The following RANBP2 variants were observed in gnomAD, a reference collection of about 807,000 sequenced individuals.
RANBP2 encodes RAN binding protein 2.
A neutral mutation model predicts 303.6 loss-of-function variants in RANBP2; 57 were observed. The observed-to-expected ratio is 0.19, with a 90% CI of 0.15 to 0.23. The LOEUF (loss-of-function observed/expected upper bound fraction) is 0.23. Among genes scored for constraint, RANBP2 ranks in the 10% least tolerant of loss-of-function variants. The probability of loss-of-function intolerance (pLI) is 1.00; values close to 1 mark genes in which losing one functional copy is unlikely to be tolerated. For synonymous variants in RANBP2, 1,167 were observed against 1,301.5 expected, an observed-to-expected ratio of 0.90 and a Z score of 2.23; for missense variants, 3,138 against 3,780.8, an observed-to-expected ratio of 0.83 and a Z score of 4.46.
the RANBP2 span, among the ~76,000 whole-genome samples, chr2:109,447,151 A>T: frequency 1.5e-4 from 21 of 137,318 alleles, no homozygotes; most frequent in African/African-American, 6.3e-4. Context: ...AATATTTAAA[A>T]AAAAAAAAAA....
At chr2:108,908,166 G>A in the RANBP2 span, 4 of 858,388 alleles carry the variant, frequency 4.7e-6, no homozygotes, top group African/African-American at 6.8e-5. Flanking sequence ...GCACCTTGTG[G>A]GCACGGGACC....
the RANBP2 span, among the ~76,000 whole-genome samples, chr2:109,290,944 T>G: frequency 6.6e-6 from 1 of 152,266 alleles, no homozygotes; most frequent in Non-Finnish European, 1.5e-5. Context: ...TTTACTGTTT[T>G]CCTGGGGTGC....
Position 108,766,566 on chromosome 2 carries a change from T to C in RANBP2, c.6027T>C (p.Asp2009=). ...DDDAYKTEDS[D]DIHFEPVVQM... ...ATGCCTATAAGACTGAGGACAGCGA[T>C]GACATCCATTTTGAACCAGTAGTTC... The change falls in exon 20 of 29, where the codon GAT becomes GAC. Residue 2009 remains aspartate (D), a synonymous_variant. Coordinates refer to ENST00000283195, the MANE Select transcript of RANBP2 (RefSeq NM_006267.5). The C allele has an allele frequency of 6.2e-7, 1 of 1,611,960 alleles. No individual in the cohort carries two copies. Among genetic ancestry groups the C allele is most frequent in the Non-Finnish European group, 8.5e-7 (1 of 1,179,844 alleles).
In RANBP2 at chr2:108,732,564, GA is replaced by G. The variant is rs571513428; in HGVS notation, c.405+1092del. Reference sequence around the variant, plus strand: ...GACCAAAGCACACTATCAAAATCAGGAATTTTGACATTGGTACAATGTGTAT... The same window carrying G: ...GACCAAAGCACACTATCAAAATCAGGATTTTGACATTGGTACAATGTGTAT... On this transcript the variant is annotated intron_variant, in intron 4 of 28. Coordinates refer to ENST00000283195, the MANE Select transcript of RANBP2 (RefSeq NM_006267.5). Among the ~76,000 whole-genome samples the G allele has an allele frequency of 2.0e-4, 31 of 152,240 alleles. No individual in the cohort carries two copies. The South Asian group carries it at 6.4e-3, about 32-fold the overall frequency.
the RANBP2 span, among the ~76,000 whole-genome samples, chr2:109,282,261 G>A: frequency 2.0e-5 from 3 of 152,120 alleles, no homozygotes; most frequent in Non-Finnish European, 4.4e-5. Context: ...TATTGGCTTT[G>A]AGAAATGAGT....
the RANBP2 span, among the ~76,000 whole-genome samples, chr2:109,661,106 A>G: frequency 3.3e-5 from 5 of 152,214 alleles, no homozygotes; most frequent in East Asian, 9.6e-4. Context: ...GGCTATGGGC[A>G]GAGGGACTCT....
At chr2:109,626,590 G>A in the RANBP2 span, among the ~76,000 whole-genome samples, 1 of 152,258 alleles carries the variant, frequency 6.6e-6, no homozygotes, top group East Asian at 1.9e-4. Flanking sequence ...TCAGCCAGTC[G>A]ATGGGGAGGT....
intron 15 of RANBP2, 100 bp from the exon 16 acceptor site, chr2:108,754,805 G>C (rs2091339): frequency 6.3e-7 from 1 of 1,581,062 alleles, no homozygotes; most frequent in African/African-American, 1.4e-5. Flanking sequence ...GCCTATTAAA[G>C]TGGCAAAAAT....
chr2:109,114,067 G>A, the RANBP2 span, among the ~76,000 whole-genome samples: 1 of 152,158 alleles, frequency 6.6e-6, no homozygotes, highest in East Asian at 1.9e-4. Flanking sequence ...TTGCATCAAT[G>A]TTCATCAAGG....
the RANBP2 span, among the ~76,000 whole-genome samples, chr2:109,629,525 G>A: frequency 6.6e-6 from 1 of 151,476 alleles, no homozygotes; most frequent in Non-Finnish European, 1.5e-5. Flanking sequence ...GAAAATGTGT[G>A]TATGAGGCGA....
chr2:108,825,384 T>G, the RANBP2 span, among the ~76,000 whole-genome samples: 22 of 152,062 alleles, frequency 1.4e-4, no homozygotes, highest in African/African-American at 5.1e-4. Context: ...CACAGAGTTG[T>G]GCAACCATCG....
the RANBP2 span, chr2:109,616,170 TCTTA>T: frequency 7.1e-7 from 1 of 1,398,684 alleles, no homozygotes; most frequent in Non-Finnish European, 9.3e-7. Flanking sequence ...AATTATGCAT[TCTTA>T]CTTGAGGGAT....
the RANBP2 span, chr2:109,605,672 C>T: frequency 6.6e-6 from 1 of 152,052 alleles, no homozygotes; most frequent in Non-Finnish European, 1.5e-5. Flanking sequence ...GCAAAATATG[C>T]AAATACAAAA....
rs896348108 is a variant in RANBP2 at position 108,731,389 on chromosome 2, A to G, written c.320A>G (p.Asn107Ser). 1 of 1,611,580 alleles carries G rather than the reference A, an allele frequency of 6.2e-7. No homozygotes were observed. Among genetic ancestry groups the G allele is most frequent in the African/African-American group, 1.3e-5 (1 of 74,970 alleles). ...VLKIAELLCK[N>S]DVTDGRAKYW... ...AAGATTGCAGAATTGCTTTGTAAAA[A>G]TGATGTTACTGATGGAAGAGCAAAA... is the stretch of plus-strand genomic sequence containing the variant. Residue 107 changes from asparagine (N) to serine (S), a missense_variant, in exon 4 of 29, where the codon AAT (asparagine) becomes AGT (serine). Coordinates refer to ENST00000283195, the MANE Select transcript of RANBP2 (RefSeq NM_006267.5).
chr2:109,344,608 G>T, the RANBP2 span, among the ~76,000 whole-genome samples: 10 of 152,324 alleles, frequency 6.6e-5, no homozygotes, highest in African/African-American at 2.2e-4. Context: ...AGGCTGATGG[G>T]CCAGGAGACC....
chr2:109,233,565 ACTGTT>A, the RANBP2 span, among the ~76,000 whole-genome samples: 1 of 152,100 alleles, frequency 6.6e-6, no homozygotes. Context: ...AACAGGGATA[ACTGTT>A]CTCATTTAGG....
At chr2:108,809,833 TCTCA>T in the RANBP2 span, among the ~76,000 whole-genome samples, 11 of 151,930 alleles carry the variant, frequency 7.2e-5, no homozygotes, top group South Asian at 4.1e-4. Context: ...TGTGATGGAG[TCTCA>T]CTCTGTCGCC....
the RANBP2 span, chr2:109,614,065 A>G: frequency 2.5e-6 from 3 of 1,212,140 alleles, no homozygotes; most frequent in Non-Finnish European, 3.1e-6. Context: ...CGAGCCCCTC[A>G]CAGGAGCTAC....
the RANBP2 span, among the ~76,000 whole-genome samples, chr2:109,132,668 C>A: frequency 6.6e-6 from 1 of 152,194 alleles, no homozygotes; most frequent in Non-Finnish European, 1.5e-5. Context: ...ATATGTGTTA[C>A]TTCTTGAAGT....
Sources: gnomAD v4.1 joint callset for allele counts (sites outside exome capture counted in the v4.1 genomes callset) on GRCh38, gnomAD v4.1.1 for gene constraint, MANE v1.5 for transcripts, NCBI Gene and HGNC (gene_info 2026-07-23, HGNC 2026-07-21) for gene names.